Variants in ZNF726 observed in about 807,000 individuals in gnomAD.
ZNF726 encodes zinc finger protein 726.
Under a neutral mutation model 11.6 loss-of-function variants are expected in ZNF726, and 15 were observed. The observed-to-expected ratio is 1.29, with a 90% CI of 0.86 to 1.99. The LOEUF (loss-of-function observed/expected upper bound fraction) is 1.99, where lower values mean the gene tolerates loss of function less well. Among genes scored for constraint, ZNF726 ranks in the 30% most tolerant of loss-of-function variants. The pLI is 0.00. For synonymous variants in ZNF726, 295 were observed against 243.6 expected (o/e 1.21, Z -1.96); for missense variants, 890 against 725.6 (o/e 1.23, Z -2.60).
chr19:23,933,825 G>A lies in ZNF726; in HGVS notation c.1709G>A (p.Cys570Tyr), dbSNP rs1263060201. ...GAGAAACCTTACAAGTGTGAAGAAT[G>A]TGGAAAAGCGTTTAATCGATCCTCA... ...TGEKPYKCEE[C>Y]GKAFNRSSNL... Residue 570 changes from cysteine to tyrosine, a missense_variant, in exon 4 of 4, where the codon TGT becomes TAT. Coordinates refer to ENST00000594466, the MANE Select transcript of ZNF726 (RefSeq NM_001244038.2). The A allele has an allele frequency of 3.7e-6, 6 of 1,602,456 alleles. No individual in the cohort carries two copies. Among genetic ancestry groups the A allele is most frequent in the Non-Finnish European group, 5.1e-6 (6 of 1,174,824 alleles).
In ZNF726 at chr19:23,933,816, G is replaced by A. The variant is rs1437867801; in HGVS notation, c.1700G>A (p.Cys567Tyr). The stretch of plus-strand genomic sequence containing the variant: ...CATACTGGAGAGAAACCTTACAAGT[G>A]TGAAGAATGTGGAAAAGCGTTTAAT... ...IIHTGEKPYKCEECGKAFNRS... is the reference protein window; with the variant it reads ...IIHTGEKPYKYEECGKAFNRS... The change falls in exon 4 of 4, where the codon TGT becomes TAT. Residue 567 changes from cysteine to tyrosine, a missense_variant. Physicochemically the swap from Cys to Tyr is radical, Grantham distance 194 (BLOSUM62 -2). Coordinates refer to ENST00000594466, the MANE Select transcript of ZNF726 (RefSeq NM_001244038.2). The A allele has an allele frequency of 8.1e-6, 13 of 1,604,446 alleles. No individual in the cohort carries two copies. The highest frequency in any genetic ancestry group is 1.1e-5 in the South Asian group (1 of 90,224).
At chr19:23,931,537 G>A (rs1968105944) in intron 3 of ZNF726, among the ~76,000 whole-genome samples, 2 of 151,698 alleles carry the variant, frequency 1.3e-5, no homozygotes, top group Non-Finnish European at 2.9e-5. Flanking sequence ...TGATATTTTT[G>A]GTGGGATGAT....
chr19:23,934,384 C>A lies in ZNF726; in HGVS notation c.*417C>A. On this transcript the variant is annotated 3_prime_UTR_variant, in exon 4 of 4. Coordinates refer to ENST00000594466, the MANE Select transcript of ZNF726 (RefSeq NM_001244038.2). The stretch of plus-strand genomic sequence containing the variant: ...AAGTAATTCATACTGAAGAGAAACC[C>A]TACAAATGTGAAAAATGTGTCAAAG... 2 of 508,856 alleles carry A rather than the reference C, an allele frequency of 3.9e-6. No homozygotes were observed. The highest frequency in any genetic ancestry group is 3.0e-5 in the South Asian group (2 of 66,732). The allele number at this position is 508,856 out of a possible 1,614,324, so 31.5% of individuals were successfully genotyped here.
At chr19:23,929,012 G>A (rs1253116483) in intron 3 of ZNF726, 1 of 151,752 alleles carries the variant, frequency 6.6e-6, no homozygotes, top group Non-Finnish European at 1.5e-5. Context: ...TGCCAAGGCT[G>A]GTCTCAAACT....
At chr19:23,943,227 T>A (rs2145007489) in intron 3 of ZNF726, among the ~76,000 whole-genome samples, 1 of 152,312 alleles carries the variant, frequency 6.6e-6, no homozygotes, top group Admixed American at 6.5e-5. Context: ...CACCCCCATG[T>A]CTAGAAATTC....
chr19:23,915,252 A>T (rs3764586), intron 1 of ZNF726, among the ~76,000 whole-genome samples: 36,539 of 152,018 alleles, frequency 0.24, 5,199 homozygotes, highest in African/African-American at 0.4. Flanking sequence ...GCTCTGCACC[A>T]GTAGCCCCGC....
chr19:23,916,867 A>T (rs1199921499), intron 1 of ZNF726, among the ~76,000 whole-genome samples: 1 of 151,880 alleles, frequency 6.6e-6, no homozygotes, highest in Non-Finnish European at 1.5e-5. Flanking sequence ...TTAGACAATC[A>T]ACTAATTGAA....
At chr19:23,917,940 G>A (rs1967744479) in intron 1 of ZNF726, among the ~76,000 whole-genome samples, 1 of 152,206 alleles carries the variant, frequency 6.6e-6, no homozygotes. Context: ...AAGTAGAGGG[G>A]TTTTATTACC....
intron 1 of ZNF726, among the ~76,000 whole-genome samples, chr19:23,915,564 TTTG>T (rs374940115): frequency 1.3e-5 from 2 of 152,036 alleles, no homozygotes; most frequent in South Asian, 2.1e-4. Flanking sequence ...TTGTTGTTAT[TTTG>T]TTGTTGTTGT....
Sources: gnomAD v4.1 joint callset for allele counts (sites outside exome capture counted in the v4.1 genomes callset) on GRCh38, gnomAD v4.1.1 for gene constraint, MANE v1.5 for transcripts, NCBI Gene and HGNC (gene_info 2026-07-23, HGNC 2026-07-21) for gene names.